The following MVK variants were observed in gnomAD, a reference collection of about 807,000 sequenced individuals.
MVK encodes LH receptor mRNA-binding protein.
A neutral mutation model predicts 43.2 loss-of-function variants in MVK; 34 were observed. That is an observed-to-expected ratio of 0.79 (90% CI 0.60 to 1.05). MVK has a LOEUF of 1.05. Ranked by LOEUF, MVK falls within the 50% of genes least tolerant of loss-of-function variation. The pLI, the probability that MVK is intolerant of heterozygous loss-of-function variation, is 0.00. For synonymous variants in MVK, 190 were observed against 219.8 expected (o/e 0.86, Z 1.20); for missense variants, 395 against 504.0 (o/e 0.78, Z 2.07).
At chr12:109,591,657 C>T (rs1159004680) in intron 9 of MVK, among the ~76,000 whole-genome samples, 4 of 152,330 alleles carry the variant, frequency 2.6e-5, no homozygotes, top group Non-Finnish European at 4.4e-5. Context: ...CTCTGGCCCA[C>T]GTAGGTAGAT....
At chr12:109,580,340 T>G (rs1462927608) in intron 4 of MVK, among the ~76,000 whole-genome samples, 1 of 152,216 alleles carries the variant, frequency 6.6e-6, no homozygotes, top group Admixed American at 6.5e-5. Flanking sequence ...TGGGCTCATG[T>G]GATCCAACTG....
chr12:109,573,757 C>T (rs896394760), upstream of MVK: 4 of 511,464 alleles, frequency 7.8e-6, no homozygotes, highest in African/African-American at 1.9e-5. Context: ...GATTGGCTGG[C>T]CTGAAGTACA....
In MVK at chr12:109,596,649, CTG is replaced by C. The variant is rs1350672064; in HGVS notation, c.*75_*76del. 7.0e-6 allele frequency: 11 copies of C among 1,575,400 alleles called. No homozygotes were observed. The South Asian group carries it at 7.8e-5, about 11-fold the overall frequency. On this transcript the variant is annotated 3_prime_UTR_variant, in exon 11 of 11. Coordinates refer to ENST00000228510, the MANE Select transcript of MVK (RefSeq NM_000431.4). Reference sequence around the variant, plus strand: ...TTATTCTGGGGGCTGCAGTTCGACTCTGTGCTGGCCAGCGAGCGCCCAGCTCC... The same window carrying C: ...TTATTCTGGGGGCTGCAGTTCGACTCTGCTGGCCAGCGAGCGCCCAGCTCC...
At position 109,573,849 on chromosome 12, in the gene MVK, G is replaced by A; in HGVS notation, c.-39G>A. 4.7e-6 allele frequency: 1 copy of A among 214,556 alleles called. No individual in the cohort carries two copies. The highest frequency in any genetic ancestry group is 2.4e-5 in the African/African-American group (1 of 42,326). The allele number at this position is 214,556 out of a possible 1,614,324, so 13.3% of individuals were successfully genotyped here. A position where few individuals can be genotyped will look rare whatever the true frequency, so the allele number is the denominator to read the frequency against. ...CCGGCTTCGGCGCGGAGGGGCGGCG[G>A]CCGGGGAGGCGGCGGCGGCGGCAGG... On this transcript the variant is annotated 5_prime_UTR_variant, in exon 1 of 11. Transcript: ENST00000228510.
At chr12:109,591,431 C>A in intron 9 of MVK, 74 bp downstream of exon 9, 1 of 1,422,468 alleles carries the variant, frequency 7.0e-7, no homozygotes, top group Non-Finnish European at 9.8e-7. Flanking sequence ...TGCAATCTGG[C>A]TGTGCTCAGA....
chr12:109,578,292 CT>C (rs1188471118), intron 3 of MVK, among the ~76,000 whole-genome samples: 2 of 149,416 alleles, frequency 1.3e-5, no homozygotes, highest in African/African-American at 4.9e-5. Flanking sequence ...GAGGCAGGGT[CT>C]TACTATGTTG....
Position 109,595,168 on chromosome 12 carries a change from A to C in MVK, c.1026A>C (p.Thr342=). The change falls in exon 10 of 11, where the codon ACA becomes ACC. Residue 342 remains threonine (T), a synonymous_variant. Transcript: ENST00000228510. The surrounding 1 kb of genome is among the most constrained non-coding windows in gnomAD (Gnocchi z 5.9). ...CAGGCGGTGGTGGCTGTGGCATCAC[A>C]CTCCTCAAGCCAGGTATCCCGGGGG... ...TGAGGGGCGI[T]LLKPGLEQPE... 6.2e-7 allele frequency: 1 copy of C among 1,613,088 alleles called. No homozygotes were observed. The highest frequency in any genetic ancestry group is 8.5e-7 in the Non-Finnish European group (1 of 1,179,798).
chr12:109,579,153 T>C, intron 3 of MVK: 1 of 405,998 alleles, frequency 2.5e-6, no homozygotes, highest in Non-Finnish European at 4.8e-6. Flanking sequence ...TTTTTTTTTT[T>C]TTTTGAGACA....
rs104895332 is a variant in MVK at position 109,586,102 on chromosome 12, T to C, written c.608T>C (p.Val203Ala). The part of the protein sequence containing the change: ...ERMIHGNPSG[V>A]DNAVSTWGGA... ...ATGATTCACGGGAACCCCTCCGGAG[T>C]GGACAATGCTGTCAGCACCTGGGGT... The change falls in exon 6 of 11, where the codon GTG becomes GCG. Residue 203 changes from valine (V) to alanine (A), a missense_variant. By Grantham distance (64) the Val-to-Ala change is moderately conservative (BLOSUM62 0). Transcript: ENST00000228510. The C allele has an allele frequency of 5.6e-6, 9 of 1,613,716 alleles. No homozygotes were observed. Among genetic ancestry groups the C allele is most frequent in the African/African-American group, 1.3e-5 (1 of 74,824 alleles).
chr12:109,586,564 G>A (rs533229041), intron 6 of MVK, among the ~76,000 whole-genome samples, 190 bp from the exon 7 acceptor site: 1 of 152,318 alleles, frequency 6.6e-6, no homozygotes, highest in Admixed American at 6.5e-5. Flanking sequence ...CCTGGCAAGA[G>A]CTTCCTGGTG....
rs1186485267 is a variant in MVK at position 109,597,805 on chromosome 12, G to A, written c.*1228G>A. 3.9e-5 allele frequency: 6 copies of A among 152,250 alleles called. No homozygotes were observed. The East Asian group carries it at 1.2e-3, about 29-fold the overall frequency. 9.4% of individuals were successfully genotyped at this position (152,250 alleles called of 1,614,324 possible). A position where few individuals can be genotyped will look rare whatever the true frequency, so the allele number is the denominator to read the frequency against. ...CACGGACCTGCAAAGAGGCCGAGTGGAAAGGTGGGGGCCGGCGCAGGGATT... is the reference window on the plus strand; with the variant it reads ...CACGGACCTGCAAAGAGGCCGAGTGAAAAGGTGGGGGCCGGCGCAGGGATT... On this transcript the variant is annotated 3_prime_UTR_variant, in exon 11 of 11. Transcript: ENST00000228510.
rs146181903 is a variant in MVK at position 109,591,261 on chromosome 12, C to G, written c.789C>G (p.Pro263=). ...TCCAGTTCCCAGAGATCGTGGCCCC[C>G]CTCCTGACCTCAATAGATGCCATCT... The part of the protein sequence containing the change: ...RLLKFPEIVA[P]LLTSIDAISL... Residue 263 remains proline (P), a synonymous_variant, in exon 9 of 11, where the codon CCC becomes CCG. Transcript: ENST00000228510. 459 of 1,614,222 alleles carry G rather than the reference C, an allele frequency of 2.8e-4. 1 individual carries two copies. Among genetic ancestry groups the G allele is most frequent in the Non-Finnish European group, 3.6e-4 (427 of 1,180,048 alleles).
At chr12:109,590,521 AG>A (rs1885619724) in intron 7 of MVK, 1 of 541,838 alleles carries the variant, frequency 1.8e-6, no homozygotes, top group African/African-American at 1.9e-5. Context: ...AGCATGTTGT[AG>A]GTCCCAGTTG....
At position 109,597,607 on chromosome 12, in the gene MVK, A is replaced by C. The variant is rs941713842; in HGVS notation, c.*1030A>C. The C allele has an allele frequency of 6.6e-6, 1 of 152,374 alleles. No individual in the cohort carries two copies. Among genetic ancestry groups the C allele is most frequent in the Non-Finnish European group, 1.5e-5 (1 of 68,196 alleles). The allele number at this position is 152,374 out of a possible 1,614,324, so 9.4% of individuals were successfully genotyped here. A position where few individuals can be genotyped will look rare whatever the true frequency, so the allele number is the denominator to read the frequency against. On this transcript the variant is annotated 3_prime_UTR_variant, in exon 11 of 11. Transcript: ENST00000228510. The stretch of plus-strand genomic sequence containing the variant: ...TTCCTTTCTGAAATGAACTGGCTGG[A>C]TGGAGAAAACAGACTCAAATGTTCT...
Position 109,595,078 on chromosome 12 carries a change from C to T in MVK, c.936C>T (p.His312=), listed in dbSNP as rs1212639017. 8 of 1,614,212 alleles carry T rather than the reference C, an allele frequency of 5.0e-6. No homozygotes were observed. Among genetic ancestry groups the T allele is most frequent in the South Asian group, 2.2e-5 (2 of 91,084 alleles). ...QHHLNALGVG[H]ASLDQLCQVT... ...ATCTGAATGCCCTCGGCGTGGGCCACGCCTCTCTGGACCAGCTCTGCCAGG... is the reference window on the plus strand; with the variant it reads ...ATCTGAATGCCCTCGGCGTGGGCCATGCCTCTCTGGACCAGCTCTGCCAGG... Residue 312 remains histidine, a synonymous_variant, in exon 10 of 11, where the codon CAC becomes CAT. Coordinates refer to ENST00000228510, the MANE Select transcript of MVK (RefSeq NM_000431.4). The surrounding 1 kb of genome is among the most constrained non-coding windows in gnomAD (Gnocchi z 5.9).
intron 1 of MVK, 100 bp downstream of exon 1, chr12:109,573,973 T>G (rs1000200580): frequency 5.7e-5 from 9 of 157,754 alleles, no homozygotes; most frequent in Non-Finnish European, 1.1e-4. Context: ...TACCCAGCTC[T>G]GAGAGTCTTG....
chr12:109,590,897 A>G (rs773302802), intron 8 of MVK, 36 bp downstream of exon 8: 2 of 1,596,426 alleles, frequency 1.3e-6, no homozygotes, highest in South Asian at 2.2e-5. Context: ...GGTTTCAGGA[A>G]GGCCAGGACA....
intron 10 of MVK, 71 bp from the exon 11 acceptor site, chr12:109,596,355 G>C: frequency 6.4e-7 from 1 of 1,560,282 alleles, no homozygotes; most frequent in Non-Finnish European, 8.7e-7. Context: ...CTGGGCTTTT[G>C]CCTTGAATAT....
At chr12:109,593,716 ATTTTTTTTT>A (rs33948292) in intron 9 of MVK, among the ~76,000 whole-genome samples, 1 of 110,406 alleles carries the variant, frequency 9.1e-6, no homozygotes, top group Admixed American at 1.0e-4. Flanking sequence ...AAAGAAGCAG[ATTTTTTTTT>A]TTTTTTTTTT....
Sources: allele counts gnomAD v4.1 joint callset (sites outside exome capture counted in the v4.1 genomes callset), GRCh38; gene constraint gnomAD v4.1.1; non-coding constraint Gnocchi (gnomAD v3.1); transcripts MANE v1.5; gene names NCBI Gene and HGNC (gene_info 2026-07-23, HGNC 2026-07-21).